The following TMEM117 variants were observed in gnomAD, a reference collection of about 807,000 sequenced individuals.
The protein encoded by TMEM117 is transmembrane protein 117.
In TMEM117, 27 loss-of-function variants were observed where a neutral mutation model predicts 52.4. That is an observed-to-expected ratio of 0.51 (90% confidence interval 0.38 to 0.71). The LOEUF is 0.71. Ranked by LOEUF, TMEM117 falls within the 30% of genes least tolerant of loss-of-function variation. The pLI is 0.00. For missense variants in TMEM117, 556 were observed against 630.5 expected, an observed-to-expected ratio of 0.88 and a Z score of 1.26; for synonymous variants, 215 against 206.3, an observed-to-expected ratio of 1.04 and a Z score of -0.36.
intron 3 of TMEM117, among the ~76,000 whole-genome samples, chr12:44,005,081 G>A (rs1057289380): frequency 6.6e-6 from 1 of 152,198 alleles, no homozygotes; most frequent in Non-Finnish European, 1.5e-5. Flanking sequence ...GCCAGTCATT[G>A]TCAGGCATGC....
At chr12:44,391,906 C>G (rs1276988343), downstream of TMEM117, among the ~76,000 whole-genome samples, 1 of 152,152 alleles carries the variant, frequency 6.6e-6, no homozygotes, top group Non-Finnish European at 1.5e-5. Flanking sequence ...ACTACTCTAT[C>G]TGGCCTGATT....
At chr12:44,270,411 C>A (rs760568727) in intron 5 of TMEM117, among the ~76,000 whole-genome samples, 7 of 152,112 alleles carry the variant, frequency 4.6e-5, no homozygotes, top group Non-Finnish European at 8.8e-5. Flanking sequence ...ATTTGATTTT[C>A]AGCTTGGTCG....
intron 3 of TMEM117, among the ~76,000 whole-genome samples, chr12:43,999,312 A>G (rs147187492): frequency 1.5e-4 from 23 of 152,346 alleles, no homozygotes; most frequent in African/African-American, 5.3e-4. Context: ...TTTAAAATGC[A>G]TATAAATAGA....
chr12:44,307,137 T>A (rs531880101), intron 6 of TMEM117, among the ~76,000 whole-genome samples: 5 of 152,200 alleles, frequency 3.3e-5, no homozygotes, highest in Non-Finnish European at 7.3e-5. Flanking sequence ...TGACCTGACG[T>A]TAGTAGAGCA....
chr12:43,899,586 A>G (rs1944270777), intron 2 of TMEM117, among the ~76,000 whole-genome samples: 1 of 152,198 alleles, frequency 6.6e-6, no homozygotes, highest in Admixed American at 6.5e-5. Context: ...AGCCACTTCA[A>G]TTAACAGAAG....
chr12:44,241,493 G>A (rs75523074), intron 5 of TMEM117, among the ~76,000 whole-genome samples: 2,991 of 151,824 alleles, frequency 0.02, 97 homozygotes, highest in African/African-American at 0.067. Flanking sequence ...TTTTTGCCAC[G>A]CAGAAATATT....
At chr12:44,172,995 G>T (rs898074197) in intron 4 of TMEM117, among the ~76,000 whole-genome samples, 2 of 152,200 alleles carry the variant, frequency 1.3e-5, no homozygotes, top group African/African-American at 4.8e-5. Flanking sequence ...GAAGTGCCGG[G>T]ATTACAGGCG....
intron 3 of TMEM117, among the ~76,000 whole-genome samples, chr12:43,980,283 G>A (rs996811632): frequency 4.6e-5 from 7 of 152,146 alleles, no homozygotes; most frequent in African/African-American, 1.4e-4. Flanking sequence ...TGGGATCAAA[G>A]CAGCCCTAAC....
At position 44,092,702 on chromosome 12, in the gene TMEM117, G is replaced by A. The variant is rs532191522; in HGVS notation, c.411-50823G>A. On this transcript the variant is annotated intron_variant, in intron 3 of 7. Transcript: ENST00000266534. ...AGACGTCTACCCAGAGAACTCAAGT[G>A]GCATGGAAAAGCATCAGCAGTCTCC... Among the ~76,000 whole-genome samples, 4 of 152,200 alleles carry A rather than the reference G, an allele frequency of 2.6e-5. No homozygotes were observed. The South Asian group carries it at 6.2e-4, about 24-fold the overall frequency.
intron 3 of TMEM117, among the ~76,000 whole-genome samples, chr12:44,107,887 T>A (rs1312105745): frequency 6.6e-6 from 1 of 152,178 alleles, no homozygotes; most frequent in Non-Finnish European, 1.5e-5. Flanking sequence ...AACAGGGCTT[T>A]TAAAAGTTGC....
rs1012990139 is a variant in TMEM117 at position 44,211,314 on chromosome 12, A to G, written c.535A>G (p.Lys179Glu). The G allele has an allele frequency of 6.2e-7, 1 of 1,612,414 alleles. No homozygotes were observed. Among genetic ancestry groups the G allele is most frequent in the African/African-American group, 1.3e-5 (1 of 74,872 alleles). Residue 179 changes from lysine to glutamate, a missense_variant, in exon 5 of 8, where the codon AAA becomes GAA. Around this residue, in one of 3 missense-constraint regions of TMEM117, gnomAD observed 328 missense variants for 371.4 expected, o/e 0.88. Transcript: ENST00000266534. Reference sequence around the variant, plus strand: ...GGTCACTGATATGATGCTTCAGGACAAACCCTATCCTGACTGGGGAAAATC... The same window carrying G: ...GGTCACTGATATGATGCTTCAGGACGAACCCTATCCTGACTGGGGAAAATC... ...WMVTDMMLQD[K>E]PYPDWGKSAR... is the part of the protein sequence containing the mutation.
At chr12:44,394,045 A>G (rs1318167034), downstream of TMEM117, among the ~76,000 whole-genome samples, 1 of 152,214 alleles carries the variant, frequency 6.6e-6, no homozygotes, top group Non-Finnish European at 1.5e-5. Context: ...CAAGGGAAAA[A>G]AAGATTAGCT....
At chr12:44,022,085 T>C (rs780251918) in intron 3 of TMEM117, among the ~76,000 whole-genome samples, 16 of 152,216 alleles carry the variant, frequency 1.1e-4, no homozygotes, top group Non-Finnish European at 2.1e-4. Context: ...AATTGTTCCT[T>C]CATAGTATGA....
chr12:44,329,877 T>C (rs1362020834), intron 6 of TMEM117, among the ~76,000 whole-genome samples: 2 of 152,090 alleles, frequency 1.3e-5, no homozygotes, highest in African/African-American at 4.8e-5. Flanking sequence ...TGTCTTTGTA[T>C]GTATATACCG....
At chr12:43,882,842 A>G (rs529626626) in intron 2 of TMEM117, among the ~76,000 whole-genome samples, 23 of 152,306 alleles carry the variant, frequency 1.5e-4, no homozygotes, top group Admixed American at 9.1e-4. Flanking sequence ...AAAAAAATTC[A>G]TTTCAGGTGT....
chr12:43,805,620 G>A, the TMEM117 span: 3 of 489,746 alleles, frequency 6.1e-6, no homozygotes, highest in Non-Finnish European at 1.2e-5. Flanking sequence ...ATACAGATCA[G>A]TTTCCCTTGG....
chr12:44,150,580 A>T (rs927022419), intron 4 of TMEM117, among the ~76,000 whole-genome samples: 1 of 152,202 alleles, frequency 6.6e-6, no homozygotes, highest in Non-Finnish European at 1.5e-5. Flanking sequence ...ATAAAAGGGA[A>T]ATTATTTTTT....
At chr12:43,885,542 A>G (rs1183826925) in intron 2 of TMEM117, among the ~76,000 whole-genome samples, 1 of 151,750 alleles carries the variant, frequency 6.6e-6, no homozygotes, top group Non-Finnish European at 1.5e-5. Flanking sequence ...AAAGAACAGT[A>G]TCTATAATTT....
At chr12:44,209,504 A>G (rs1333308944) in intron 4 of TMEM117, among the ~76,000 whole-genome samples, 1 of 152,148 alleles carries the variant, frequency 6.6e-6, no homozygotes, top group East Asian at 1.9e-4. Flanking sequence ...TGAATTCTTA[A>G]TATTAGTTGC....
Sources: allele counts gnomAD v4.1 joint callset (sites outside exome capture counted in the v4.1 genomes callset), GRCh38; gene constraint gnomAD v4.1.1; regional missense constraint gnomAD v4.1.1; transcripts MANE v1.5; gene names NCBI Gene and HGNC (gene_info 2026-07-23, HGNC 2026-07-21).